CCDC102B: variants seen among roughly 807,000 people sequenced by gnomAD.
CCDC102B encodes coiled-coil domain-containing protein 102B.
CCDC102B carries 75 observed loss-of-function variants against 57.4 expected under a neutral mutation model. The observed-to-expected ratio is 1.31, with a 90% confidence interval of 1.08 to 1.58. CCDC102B has a LOEUF of 1.58. CCDC102B is among the 40% of genes most tolerant of loss of function. The pLI, the probability that CCDC102B is intolerant of heterozygous loss-of-function variation, is 0.00. For synonymous variants in CCDC102B, 206 were observed against 201.9 expected (o/e 1.02, Z -0.17); for missense variants, 636 against 582.6 (o/e 1.09, Z -0.94).
chr18:68,746,620 T>C lies in CCDC102B; in HGVS notation c.-67+30026T>C, dbSNP rs79132933. On this transcript the variant is annotated intron_variant, in intron 2 of 3. Transcript: ENST00000578970. ...CTTCTACCTCTACAGGCAAAAAATT[T>C]ACTTCTAAAATTCTTTTGAGTCTTA... 7.7e-4 allele frequency among the ~76,000 whole-genome samples: 117 copies of C among 152,218 alleles called. 1 individual carries two copies. The East Asian group carries it at 0.019, about 25-fold the overall frequency.
At chr18:68,731,643 T>C (rs542946925) in intron 2 of CCDC102B, among the ~76,000 whole-genome samples, 5 of 151,042 alleles carry the variant, frequency 3.3e-5, no homozygotes, top group Admixed American at 2.6e-4. Flanking sequence ...TAATATAATA[T>C]AAACAATTTT....
intron 1 of CCDC102B, among the ~76,000 whole-genome samples, chr18:68,813,723 A>G (rs1696987632): frequency 6.6e-6 from 1 of 151,756 alleles, no homozygotes; most frequent in Admixed American, 6.6e-5. Context: ...AATTAATGGA[A>G]GAGCAATTGG....
intron 6 of CCDC102B, among the ~76,000 whole-genome samples, chr18:68,909,404 G>A (rs748590052): frequency 1.4e-4 from 22 of 152,156 alleles, no homozygotes; most frequent in Non-Finnish European, 2.9e-4. Flanking sequence ...TATTCACTGT[G>A]AATTAGCCAT....
intron 6 of CCDC102B, among the ~76,000 whole-genome samples, chr18:68,998,882 AC>A: frequency 6.6e-6 from 1 of 151,562 alleles, no homozygotes; most frequent in Non-Finnish European, 1.5e-5. Flanking sequence ...CTTTGGCAAC[AC>A]CCTCACAGAC....
chr18:68,763,744 GACAAATATTCCTCAATACA>G (rs2034330727), intron 2 of CCDC102B, among the ~76,000 whole-genome samples: 1 of 133,300 alleles, frequency 7.5e-6, no homozygotes, highest in Non-Finnish European at 1.5e-5. Context: ...CCTCAATACA[GACAAATATTCCTCAATACA>G]GACAAATATT....
intron 1 of CCDC102B, among the ~76,000 whole-genome samples, chr18:68,810,312 A>T (rs1419525798): frequency 1.3e-5 from 2 of 152,134 alleles, no homozygotes; most frequent in Non-Finnish European, 2.9e-5. Flanking sequence ...CTCACTGAAA[A>T]ACTTCATATA....
intron 1 of CCDC102B, among the ~76,000 whole-genome samples, chr18:68,826,958 A>T (rs999171027): frequency 6.6e-6 from 1 of 152,186 alleles, no homozygotes; most frequent in African/African-American, 2.4e-5. Context: ...AAATGTCAAC[A>T]CTAGGAATAT....
intron 4 of CCDC102B, among the ~76,000 whole-genome samples, chr18:68,852,033 G>C (rs2038150148): frequency 6.6e-6 from 1 of 152,118 alleles, no homozygotes; most frequent in Admixed American, 6.6e-5. Context: ...TTATTAAACA[G>C]CATTAGTCAT....
intron 7 of CCDC102B, among the ~76,000 whole-genome samples, chr18:69,017,936 TG>T (rs1444132128): frequency 2.0e-5 from 3 of 152,344 alleles, no homozygotes; most frequent in African/African-American, 7.2e-5. Context: ...TAATGTCCTC[TG>T]GGTTATTCCA....
intron 2 of CCDC102B, among the ~76,000 whole-genome samples, chr18:68,790,292 T>C (rs1454633668): frequency 4.0e-5 from 6 of 150,264 alleles, no homozygotes; most frequent in Admixed American, 6.7e-5. Context: ...TGTTTGTCTG[T>C]GCCCTGCCCC....
At chr18:68,962,623 G>A (rs967858285) in intron 6 of CCDC102B, among the ~76,000 whole-genome samples, 14 of 151,694 alleles carry the variant, frequency 9.2e-5, no homozygotes, top group African/African-American at 3.4e-4. Flanking sequence ...ATATGTAGTA[G>A]CAACCAAGAA....
intron 2 of CCDC102B, among the ~76,000 whole-genome samples, chr18:68,744,569 C>G (rs2033537625): frequency 6.6e-6 from 1 of 152,118 alleles, no homozygotes; most frequent in African/African-American, 2.4e-5. Context: ...CATAAGAAGT[C>G]CAACCACCTG....
At chr18:68,896,828 G>A (rs111965405) in intron 5 of CCDC102B, among the ~76,000 whole-genome samples, 3 of 152,066 alleles carry the variant, frequency 2.0e-5, no homozygotes, top group African/African-American at 7.2e-5. Context: ...AGATAATTGA[G>A]TGAATGAATA....
intron 1 of CCDC102B, among the ~76,000 whole-genome samples, chr18:68,811,583 C>T (rs1267510895): frequency 1.3e-5 from 2 of 152,100 alleles, no homozygotes; most frequent in Non-Finnish European, 2.9e-5. Context: ...TCACTGCACT[C>T]CAGCCTGGGC....
chr18:68,866,174 C>A (rs372094328), intron 4 of CCDC102B, among the ~76,000 whole-genome samples: 1 of 151,930 alleles, frequency 6.6e-6, no homozygotes, highest in South Asian at 2.1e-4. Flanking sequence ...CAATTGTGTA[C>A]GCATAACAAT....
chr18:68,911,624 C>CAT (rs2040861477), intron 6 of CCDC102B, among the ~76,000 whole-genome samples: 1 of 148,726 alleles, frequency 6.7e-6, no homozygotes, highest in African/African-American at 2.5e-5. Context: ...TGGTGGCGGG[C>CAT]GCCTGTAGTC....
At chr18:68,958,054 G>T (rs188574052) in intron 6 of CCDC102B, among the ~76,000 whole-genome samples, 4 of 152,098 alleles carry the variant, frequency 2.6e-5, no homozygotes, top group African/African-American at 4.8e-5. Flanking sequence ...TGAAAGGCAT[G>T]TCTCACATGC....
chr18:68,776,477 T>C (rs1429470127), intron 2 of CCDC102B, among the ~76,000 whole-genome samples: 5 of 152,158 alleles, frequency 3.3e-5, no homozygotes, highest in Admixed American at 6.5e-5. Context: ...CGGAATACCA[T>C]GCAGCCACAA....
intron 7 of CCDC102B, among the ~76,000 whole-genome samples, chr18:69,046,183 C>T (rs2052561675): frequency 6.6e-6 from 1 of 152,038 alleles, no homozygotes; most frequent in Non-Finnish European, 1.5e-5. Context: ...ACACTGCTTT[C>T]CCAGAATGGC....
Sources: gnomAD v4.1 joint callset for allele counts (sites outside exome capture counted in the v4.1 genomes callset) on GRCh38, gnomAD v4.1.1 for gene constraint, MANE v1.5 for transcripts, NCBI Gene and HGNC (gene_info 2026-07-23, HGNC 2026-07-21) for gene names.